LNX2: variants seen among roughly 807,000 people sequenced by gnomAD.
The protein encoded by LNX2 is ligand of Numb protein X 2.
In LNX2, 35 loss-of-function variants were observed where a neutral mutation model predicts 66.2. The observed-to-expected ratio is 0.53, with a 90% CI of 0.40 to 0.70. LNX2 has a LOEUF of 0.70. Among genes scored for constraint, LNX2 ranks in the 30% least tolerant of loss-of-function variants. The pLI is 0.00. For missense variants in LNX2, 791 were observed against 850.8 expected, an observed-to-expected ratio of 0.93 and a Z score of 0.87; for synonymous variants, 337 against 315.6, an observed-to-expected ratio of 1.07 and a Z score of -0.72.
chr13:27,552,845 G>C (rs1375322888), intron 8 of LNX2, among the ~76,000 whole-genome samples: 1 of 152,204 alleles, frequency 6.6e-6, no homozygotes, highest in African/African-American at 2.4e-5. Flanking sequence ...TTCTGGGATG[G>C]GGGGAAGCCC....
At chr13:27,600,023 C>T (rs1222382412) in intron 1 of LNX2, among the ~76,000 whole-genome samples, 3 of 152,170 alleles carry the variant, frequency 2.0e-5, no homozygotes, top group Non-Finnish European at 4.4e-5. Flanking sequence ...AGTTAGCCAG[C>T]ATGGCACATA....
chr13:27,593,327 TG>T (rs1340589280), intron 1 of LNX2, among the ~76,000 whole-genome samples: 2 of 152,156 alleles, frequency 1.3e-5, no homozygotes, highest in African/African-American at 2.4e-5. Context: ...TCTTCTACAA[TG>T]GTTACCCTTT....
In LNX2 at chr13:27,567,848, T is replaced by A; in HGVS notation, c.656-9A>T. The A allele has an allele frequency of 6.2e-7, 1 of 1,612,632 alleles. No individual in the cohort carries two copies. Among genetic ancestry groups the A allele is most frequent in the Non-Finnish European group, 8.5e-7 (1 of 1,178,764 alleles). ...AAGTGGCTGTTGTGTGGCTGCCAAG[T>A]TAAAAATGAGACAGACAAAAACAGA... is the stretch of plus-strand genomic sequence containing the variant. On this transcript the variant is annotated splice_polypyrimidine_tract_variant and intron_variant, in intron 3 of 9. Coordinates refer to ENST00000316334, the MANE Select transcript of LNX2 (RefSeq NM_153371.4).
Position 27,619,751 on chromosome 13 carries a change from A to G in LNX2, c.-101+624T>C, listed in dbSNP as rs531691574. Among the ~76,000 whole-genome samples the G allele has an allele frequency of 5.3e-5, 8 of 152,332 alleles. No homozygotes were observed. In the South Asian group the frequency reaches 1.7e-3, roughly 32 times the overall value. ...TAAAACGTGGCATACAGCTTTGAAA[A>G]GCGAGTGATGTATTTCCTGAATGAT... On this transcript the variant is annotated intron_variant, in intron 1 of 9. Coordinates refer to ENST00000316334, the MANE Select transcript of LNX2 (RefSeq NM_153371.4).
At chr13:27,555,783 C>T (rs1485441735) in intron 7 of LNX2, among the ~76,000 whole-genome samples, 1 of 152,106 alleles carries the variant, frequency 6.6e-6, no homozygotes, top group Non-Finnish European at 1.5e-5. Flanking sequence ...TAGCTGCAAC[C>T]CCCATCTATG....
chr13:27,611,278 G>C (rs534085578), intron 1 of LNX2, among the ~76,000 whole-genome samples: 1 of 152,304 alleles, frequency 6.6e-6, no homozygotes, highest in South Asian at 2.1e-4. Context: ...TACAAAGGAA[G>C]GAAATTCTGT....
intron 4 of LNX2, 116 bp from the exon 5 acceptor site, chr13:27,562,897 G>A: frequency 9.9e-7 from 1 of 1,005,232 alleles, no homozygotes; most frequent in Non-Finnish European, 1.5e-6. Flanking sequence ...TAAGTATGGT[G>A]AGAATGCTAT....
intron 1 of LNX2, among the ~76,000 whole-genome samples, chr13:27,599,896 AC>A (rs1481657791): frequency 2.0e-4 from 31 of 152,304 alleles, no homozygotes; most frequent in African/African-American, 5.8e-4. Context: ...AAAGAGCATT[AC>A]GCCAATCCTG....
intron 1 of LNX2, among the ~76,000 whole-genome samples, chr13:27,587,847 C>T (rs1955505238): frequency 6.6e-6 from 1 of 151,906 alleles, no homozygotes; most frequent in South Asian, 2.1e-4. Context: ...CAGTGAAACC[C>T]CATCTCTACT....
At chr13:27,557,572 T>C (rs1955078371) in intron 6 of LNX2, among the ~76,000 whole-genome samples, 1 of 152,012 alleles carries the variant, frequency 6.6e-6, no homozygotes, top group African/African-American at 2.4e-5. Context: ...TTGTTAATAA[T>C]ATAAAAAATA....
chr13:27,617,748 A>G (rs1350020486), intron 1 of LNX2, among the ~76,000 whole-genome samples: 1 of 152,138 alleles, frequency 6.6e-6, no homozygotes, highest in Admixed American at 6.5e-5. Flanking sequence ...AGACACAACT[A>G]TCCAACAACT....
At chr13:27,588,823 T>C (rs1240915377) in intron 1 of LNX2, among the ~76,000 whole-genome samples, 3 of 152,200 alleles carry the variant, frequency 2.0e-5, no homozygotes, top group Admixed American at 6.5e-5. Context: ...ACAAACCCAG[T>C]AGATTAACAT....
chr13:27,588,986 C>A (rs73446888), intron 1 of LNX2, among the ~76,000 whole-genome samples: 16,847 of 151,994 alleles, frequency 0.11, 1,031 homozygotes, highest in African/African-American at 0.15. Flanking sequence ...ACACTTGTGC[C>A]AAAAAGAGTG....
chr13:27,567,667 T>C lies in LNX2; in HGVS notation c.828A>G (p.Arg276=). The change falls in exon 4 of 10, where the codon AGA becomes AGG. Residue 276 remains arginine (R), a synonymous_variant. Coordinates refer to ENST00000316334, the MANE Select transcript of LNX2 (RefSeq NM_153371.4). ...GAAGAATCTGGTCTCCAGCAAGAAG[T>C]CTCCCGTCTCTGGCAATGACCCCAT... ...YRDGVIARDG[R]LLAGDQILQV... The C allele has an allele frequency of 6.2e-7, 1 of 1,613,926 alleles. No individual in the cohort carries two copies. The highest frequency in any genetic ancestry group is 8.5e-7 in the Non-Finnish European group (1 of 1,179,924).
intron 1 of LNX2, among the ~76,000 whole-genome samples, chr13:27,619,716 AG>A (rs1291092553): frequency 1.3e-5 from 2 of 152,248 alleles, no homozygotes; most frequent in African/African-American, 4.8e-5. Flanking sequence ...ATGAGTCAAA[AG>A]TCCTTGTTTA....
chr13:27,549,630 T>C (rs1477146854), intron 9 of LNX2, among the ~76,000 whole-genome samples: 1 of 152,178 alleles, frequency 6.6e-6, no homozygotes, highest in East Asian at 1.9e-4. Flanking sequence ...ACAGGGATAA[T>C]AAAGAAACTT....
At chr13:27,560,125 G>C (rs1227386881) in intron 5 of LNX2, 140 bp from the exon 6 acceptor site, 1 of 579,918 alleles carries the variant, frequency 1.7e-6, no homozygotes, top group African/African-American at 1.9e-5. Context: ...GCACCTGGTG[G>C]CAAGAGGAAT....
At chr13:27,604,079 C>A (rs1211143059) in intron 1 of LNX2, among the ~76,000 whole-genome samples, 2 of 152,026 alleles carry the variant, frequency 1.3e-5, no homozygotes, top group Non-Finnish European at 1.5e-5. Flanking sequence ...ACGGTGAAAC[C>A]CTGTCTCTAC....
intron 1 of LNX2, among the ~76,000 whole-genome samples, chr13:27,612,611 A>G (rs1192989105): frequency 6.6e-6 from 1 of 152,204 alleles, no homozygotes; most frequent in Admixed American, 6.5e-5. Flanking sequence ...AATTATTATC[A>G]TTTTGAGACA....
Sources: allele counts gnomAD v4.1 joint callset (sites outside exome capture counted in the v4.1 genomes callset), GRCh38; gene constraint gnomAD v4.1.1; transcripts MANE v1.5; gene names NCBI Gene and HGNC (gene_info 2026-07-23, HGNC 2026-07-21).